SGMS1: variants seen among roughly 807,000 people sequenced by gnomAD.
SGMS1 encodes phosphatidylcholine:ceramide cholinephosphotransferase 1.
SGMS1 carries 13 observed loss-of-function variants against 46.2 expected under a neutral mutation model. That is an observed-to-expected ratio of 0.28 (90% CI 0.18 to 0.45). The LOEUF (loss-of-function observed/expected upper bound fraction) is 0.45. Ranked by LOEUF, SGMS1 falls within the 20% of genes least tolerant of loss-of-function variation. SGMS1 has a pLI of 1.00. For missense variants in SGMS1, 324 were observed against 519.9 expected, an observed-to-expected ratio of 0.62 and a Z score of 3.66; for synonymous variants, 203 against 187.8, an observed-to-expected ratio of 1.08 and a Z score of -0.66.
chr10:50,449,175 C>G (rs1246329117), intron 5 of SGMS1, among the ~76,000 whole-genome samples: 1 of 152,082 alleles, frequency 6.6e-6, no homozygotes, highest in Non-Finnish European at 1.5e-5. Context: ...CTCTGGAAAA[C>G]CAGGTAATAA....
intron 6 of SGMS1, among the ~76,000 whole-genome samples, chr10:50,394,703 T>A (rs1004505752): frequency 4.6e-5 from 7 of 152,248 alleles, no homozygotes; most frequent in African/African-American, 1.7e-4. Flanking sequence ...TTCATCTAAC[T>A]TAATTTCAGG....
rs776127190 is a variant in SGMS1 at position 50,343,881 on chromosome 10, G to T, written c.234C>A (p.Asn78Lys). 14 of 1,614,000 alleles carry T rather than the reference G, an allele frequency of 8.7e-6. No homozygotes were observed. The highest frequency in any genetic ancestry group is 1.2e-5 in the Non-Finnish European group (14 of 1,180,036). ...TGTTGAGGTGCCCATTGGCATGGCC[G>T]TTCTTGTGTGCTTCCAAATGGTGCT... is the stretch of plus-strand genomic sequence containing the variant. ...KMEHHLEAHK[N>K]GHANGHLNIG... Residue 78 changes from asparagine to lysine, a missense_variant, in exon 7 of 11, where the codon AAC becomes AAA. Asn to Lys is a moderately conservative substitution (Grantham distance 94). Around this residue, in one of 2 missense-constraint regions of SGMS1, gnomAD observed 150 missense variants for 169.8 expected, o/e 0.88. Coordinates refer to ENST00000361781, the MANE Select transcript of SGMS1 (RefSeq NM_147156.4).
intron 3 of SGMS1, among the ~76,000 whole-genome samples, chr10:50,499,305 G>A (rs368298118): frequency 2.6e-4 from 39 of 152,132 alleles, no homozygotes; most frequent in East Asian, 2.1e-3. Context: ...ATTTCTTAAA[G>A]TTCTTGGGAG....
intron 8 of SGMS1, among the ~76,000 whole-genome samples, chr10:50,321,740 A>C (rs759636701): frequency 3.3e-5 from 5 of 152,248 alleles, no homozygotes; most frequent in Non-Finnish European, 5.9e-5. Context: ...GCAGGAGCTA[A>C]TCAGAATATC....
intron 6 of SGMS1, among the ~76,000 whole-genome samples, chr10:50,375,533 T>A (rs950631780): frequency 6.6e-6 from 1 of 152,128 alleles, no homozygotes; most frequent in Non-Finnish European, 1.5e-5. Context: ...GAAGGAGGGT[T>A]TGGCCACCAT....
chr10:50,495,100 T>A (rs1327398954), intron 3 of SGMS1, among the ~76,000 whole-genome samples: 13 of 142,698 alleles, frequency 9.1e-5, no homozygotes, highest in African/African-American at 2.6e-4. Context: ...TAGCCGGACG[T>A]GCTTGCAGGC....
At chr10:50,368,967 A>T (rs1848392699) in intron 6 of SGMS1, among the ~76,000 whole-genome samples, 1 of 152,244 alleles carries the variant, frequency 6.6e-6, no homozygotes, top group South Asian at 2.1e-4. Context: ...TATACATAAA[A>T]GTGTTCACAA....
chr10:50,385,195 A>G (rs1024430747), intron 6 of SGMS1, among the ~76,000 whole-genome samples: 11 of 152,244 alleles, frequency 7.2e-5, no homozygotes, highest in Non-Finnish European at 1.5e-4. Flanking sequence ...ATCAAAGAAC[A>G]GAAGCTATCC....
At chr10:50,344,850 G>A (rs113658320) in intron 6 of SGMS1, among the ~76,000 whole-genome samples, 2 of 151,112 alleles carry the variant, frequency 1.3e-5, no homozygotes, top group East Asian at 1.9e-4. Flanking sequence ...CAGCCTGGGC[G>A]ACAGAGCGAG....
At chr10:50,500,452 A>G (rs1200223612) in intron 3 of SGMS1, among the ~76,000 whole-genome samples, 1 of 152,028 alleles carries the variant, frequency 6.6e-6, no homozygotes, top group African/African-American at 2.4e-5. Context: ...AATAAATGAA[A>G]ATCGGTTTTA....
In SGMS1 at chr10:50,343,800, G is replaced by A. The variant is rs780673318; in HGVS notation, c.315C>T (p.Asn105=). The A allele has an allele frequency of 5.0e-6, 8 of 1,614,052 alleles. No individual in the cohort carries two copies. The highest frequency in any genetic ancestry group is 6.8e-6 in the Non-Finnish European group (8 of 1,180,046). The stretch of plus-strand genomic sequence containing the variant: ...CTTTCCTATACCCATTTGGCATCCC[G>A]TTGGGTTTAATCTTGATGCTGAAGC... ...DGSFSIKIKP[N]GMPNGYRKEM... Residue 105 remains asparagine, a synonymous_variant, in exon 7 of 11, where the codon AAC becomes AAT. Coordinates refer to ENST00000361781, the MANE Select transcript of SGMS1 (RefSeq NM_147156.4).
chr10:50,361,878 G>C (rs1165589083), intron 6 of SGMS1, among the ~76,000 whole-genome samples: 2 of 152,120 alleles, frequency 1.3e-5, no homozygotes, highest in African/African-American at 4.8e-5. Flanking sequence ...TTATTTACCT[G>C]TATTTTTCAG....
intron 3 of SGMS1, among the ~76,000 whole-genome samples, chr10:50,518,467 C>T (rs2133784737): frequency 6.6e-6 from 1 of 152,296 alleles, no homozygotes; most frequent in Middle Eastern, 3.4e-3. Flanking sequence ...GCTCTTGTTG[C>T]CCAGGCTGGA....
At chr10:50,330,293 A>AAAAACAAAAC (rs10678162) in intron 7 of SGMS1, among the ~76,000 whole-genome samples, 7,358 of 150,156 alleles carry the variant, frequency 0.049, 639 homozygotes, top group East Asian at 0.36. Context: ...GTCTCTACTA[A>AAAAACAAAAC]AAAACAAAAC....
intron 2 of SGMS1, among the ~76,000 whole-genome samples, chr10:50,528,581 A>T (rs1176540342): frequency 6.6e-6 from 1 of 152,232 alleles, no homozygotes; most frequent in African/African-American, 2.4e-5. Context: ...ATCAATGTCT[A>T]AATCCCCACT....
intron 7 of SGMS1, among the ~76,000 whole-genome samples, chr10:50,331,909 C>A (rs1054766792): frequency 7.2e-5 from 11 of 152,224 alleles, no homozygotes; most frequent in Non-Finnish European, 1.5e-4. Context: ...AATCAGCCTG[C>A]ACCTTGAGCT....
At chr10:50,426,569 A>G (rs1248150673) in intron 6 of SGMS1, among the ~76,000 whole-genome samples, 1 of 152,260 alleles carries the variant, frequency 6.6e-6, no homozygotes, top group Non-Finnish European at 1.5e-5. Context: ...TTCTTTCTGT[A>G]CATGCTGGAC....
intron 7 of SGMS1, among the ~76,000 whole-genome samples, chr10:50,330,920 C>T (rs571365449): frequency 6.6e-6 from 1 of 152,256 alleles, no homozygotes; most frequent in Non-Finnish European, 1.5e-5. Context: ...CAAAGGCTCA[C>T]CTGGTGCCTT....
At chr10:50,473,579 T>C (rs1292022719) in intron 3 of SGMS1, among the ~76,000 whole-genome samples, 1 of 152,154 alleles carries the variant, frequency 6.6e-6, no homozygotes, top group African/African-American at 2.4e-5. Flanking sequence ...TAAAATGGAC[T>C]AATAAAAAAC....
Sources: allele counts gnomAD v4.1 joint callset (sites outside exome capture counted in the v4.1 genomes callset), GRCh38; gene constraint gnomAD v4.1.1; regional missense constraint gnomAD v4.1.1; transcripts MANE v1.5; gene names NCBI Gene and HGNC (gene_info 2026-07-23, HGNC 2026-07-21).